Variants in ABCC5 observed in about 807,000 individuals in gnomAD.
ABCC5 encodes ATP-binding cassette sub-family C member 5.
In ABCC5, 61 loss-of-function variants were observed where a neutral mutation model predicts 160.9. The ratio of observed to expected loss-of-function variants is 0.38; its 90% CI spans 0.31 to 0.47. The LOEUF (loss-of-function observed/expected upper bound fraction) is 0.47, where lower values mean the gene tolerates loss of function less well. Among genes scored for constraint, ABCC5 ranks in the 20% least tolerant of loss-of-function variants. ABCC5 has a pLI of 0.99. For missense variants in ABCC5, 1,308 were observed against 1,813.3 expected (o/e 0.72, Z 5.06); for synonymous variants, 666 against 700.6 (o/e 0.95, Z 0.78).
intron 25 of ABCC5, among the ~76,000 whole-genome samples, chr3:183,939,170 T>C (rs1299170773): frequency 6.6e-6 from 1 of 152,222 alleles, no homozygotes; most frequent in Non-Finnish European, 1.5e-5. Context: ...CGGTGGCTCA[T>C]GCCTGTAATC....
At chr3:183,945,172 A>C (rs1289795482) in intron 24 of ABCC5, among the ~76,000 whole-genome samples, 1 of 152,186 alleles carries the variant, frequency 6.6e-6, no homozygotes, top group East Asian at 1.9e-4. Flanking sequence ...TTTCTTCATA[A>C]ATTACCCAAT....
At chr3:183,956,273 C>A (rs1307296480) in intron 17 of ABCC5, among the ~76,000 whole-genome samples, 1 of 149,222 alleles carries the variant, frequency 6.7e-6, no homozygotes, top group African/African-American at 2.5e-5. Flanking sequence ...CGGTTACATG[C>A]AGATCCGTGT....
At chr3:183,966,876 T>C (rs567415189) in intron 12 of ABCC5, among the ~76,000 whole-genome samples, 1 of 152,312 alleles carries the variant, frequency 6.6e-6, no homozygotes, top group African/African-American at 2.4e-5. Context: ...AAAGCACCCC[T>C]GCTCCCCCTC....
chr3:183,935,466 C>T (rs2139561), intron 26 of ABCC5, among the ~76,000 whole-genome samples: 38,848 of 151,450 alleles, frequency 0.26, 5,338 homozygotes, highest in Middle Eastern at 0.33. Context: ...AGGTGTGAGC[C>T]ACCGCACTCG....
At chr3:183,944,854 G>T (rs916068513) in intron 24 of ABCC5, among the ~76,000 whole-genome samples, 9 of 152,138 alleles carry the variant, frequency 5.9e-5, no homozygotes, top group African/African-American at 2.2e-4. Flanking sequence ...GATGTGGTTT[G>T]GCTCTGTGTT....
Position 183,950,131 on chromosome 3 carries a change from G to A in ABCC5, c.2945-6C>T. ...GAACGGCAGCCGCACGTCAACTGTG[G>A]AAACAAATAAAGGAGCAAGTGTCAG... is the stretch of plus-strand genomic sequence containing the variant. On this transcript the variant is annotated splice_polypyrimidine_tract_variant and splice_region_variant and intron_variant, in intron 20 of 29. Coordinates refer to ENST00000334444, the MANE Select transcript of ABCC5 (RefSeq NM_005688.4). 2 of 1,609,176 alleles carry A rather than the reference G, an allele frequency of 1.2e-6. No individual in the cohort carries two copies. Among genetic ancestry groups the A allele is most frequent in the Non-Finnish European group, 1.7e-6 (2 of 1,178,580 alleles).
At chr3:183,971,962 T>A (rs1012406647) in intron 10 of ABCC5, 43 bp from the exon 11 acceptor site, 6 of 1,610,464 alleles carry the variant, frequency 3.7e-6, no homozygotes, top group Non-Finnish European at 5.1e-6. Context: ...AGACACTGGA[T>A]CAAGACCAGG....
chr3:183,963,535 A>G lies in ABCC5; in HGVS notation c.2085T>C (p.Leu695=), dbSNP rs369535990. 201 of 1,614,192 alleles carry G rather than the reference A, an allele frequency of 1.2e-4. 1 individual carries two copies. In the African/African-American group the frequency reaches 2.4e-3, roughly 19 times the overall value. ...LSGGQRQRIS[L]ARALYSDRSI... ...TCCTGTCACTATACAAGGCCCGGGCAAGGCTGATCCTCTGGCGCTGCCCAC... is the reference window on the plus strand; with the variant it reads ...TCCTGTCACTATACAAGGCCCGGGCGAGGCTGATCCTCTGGCGCTGCCCAC... The change falls in exon 15 of 30, where the codon CTT becomes CTC. Residue 695 remains leucine (L), a synonymous_variant. Coordinates refer to ENST00000334444, the MANE Select transcript of ABCC5 (RefSeq NM_005688.4). The surrounding 1 kb of genome is among the most constrained non-coding windows in gnomAD (Gnocchi z 4.6).
intron 20 of ABCC5, 24 bp from the exon 21 acceptor site, chr3:183,950,149 A>C (rs561083235): frequency 1.3e-6 from 2 of 1,592,440 alleles, no homozygotes; most frequent in African/African-American, 2.7e-5. Flanking sequence ...TAAAGGAGCA[A>C]GTGTCAGATG....
At chr3:183,946,050 C>A in intron 23 of ABCC5, 111 bp from the exon 24 acceptor site, 5 of 938,664 alleles carry the variant, frequency 5.3e-6, no homozygotes, top group Non-Finnish European at 8.7e-6. Flanking sequence ...GCACATGCAG[C>A]AGCTGGTCTT....
rs1280073448 is a variant in ABCC5 at position 183,988,342 on chromosome 3, T to A, written c.443+230A>T. ...GCAGCAACATAATCTCCCTGCAGACTCAGGAAGAGAAGCGGGGCTGAGAGA... is the reference window on the plus strand; with the variant it reads ...GCAGCAACATAATCTCCCTGCAGACACAGGAAGAGAAGCGGGGCTGAGAGA... On this transcript the variant is annotated intron_variant, in intron 4 of 29. Transcript: ENST00000334444. This position sits in a 1 kb window ranked among gnomAD's most constrained non-coding sequence, Gnocchi z 4.4. Among the ~76,000 whole-genome samples the A allele has an allele frequency of 6.6e-6, 1 of 152,152 alleles. No individual in the cohort carries two copies. The highest frequency in any genetic ancestry group is 1.5e-5 in the Non-Finnish European group (1 of 68,022).
In ABCC5 at chr3:183,963,547, C is replaced by T. The variant is rs1560012808; in HGVS notation, c.2073G>A (p.Gln691=). Reference sequence around the variant, plus strand: ...ACAAGGCCCGGGCAAGGCTGATCCTCTGGCGCTGCCCACCGCTCAGGTTGG... The same window carrying T: ...ACAAGGCCCGGGCAAGGCTGATCCTTTGGCGCTGCCCACCGCTCAGGTTGG... The part of the protein sequence containing the change: ...RGANLSGGQR[Q]RISLARALYS... The change falls in exon 15 of 30, where the codon CAG becomes CAA. Residue 691 remains glutamine, a synonymous_variant. Coordinates refer to ENST00000334444, the MANE Select transcript of ABCC5 (RefSeq NM_005688.4). This position sits in a 1 kb window ranked among gnomAD's most constrained non-coding sequence, Gnocchi z 4.6. 1 of 1,614,196 alleles carries T rather than the reference C, an allele frequency of 6.2e-7. No individual in the cohort carries two copies. Among genetic ancestry groups the T allele is most frequent in the Non-Finnish European group, 8.5e-7 (1 of 1,180,050 alleles).
intron 11 of ABCC5, among the ~76,000 whole-genome samples, chr3:183,968,173 G>A (rs1244301935): frequency 6.6e-6 from 1 of 152,076 alleles, no homozygotes; most frequent in African/African-American, 2.4e-5. Context: ...CTGTCAACCA[G>A]GCTGGAGTAC....
At chr3:183,938,597 G>C (rs1005968231) in intron 25 of ABCC5, among the ~76,000 whole-genome samples, 1 of 151,956 alleles carries the variant, frequency 6.6e-6, no homozygotes, top group African/African-American at 2.4e-5. Flanking sequence ...GCGCCTGGCT[G>C]ACCATTCCAT....
At chr3:183,934,143 TA>T (rs1331893109) in intron 26 of ABCC5, among the ~76,000 whole-genome samples, 6 of 152,066 alleles carry the variant, frequency 3.9e-5, no homozygotes. Context: ...CCGTCTCTAC[TA>T]AAAATACAAA....
rs551666970 is a variant in ABCC5 at position 183,987,077 on chromosome 3, C to T, written c.591+693G>A. 5.8e-5 allele frequency: 9 copies of T among 155,768 alleles called. No individual in the cohort carries two copies. The highest frequency in any genetic ancestry group is 2.5e-4 in the Admixed American group (4 of 16,072). The allele number at this position is 155,768 out of a possible 1,614,324, so 9.6% of individuals were successfully genotyped here. On this transcript the variant is annotated intron_variant, in intron 5 of 29. Transcript: ENST00000334444. The surrounding 1 kb of genome is among the most constrained non-coding windows in gnomAD (Gnocchi z 4.2). ...CACAGTACAAGCAGTACTACTGCTCCGATGCCTCAAGGCAAATGTGTAGAG... is the reference window on the plus strand; with the variant it reads ...CACAGTACAAGCAGTACTACTGCTCTGATGCCTCAAGGCAAATGTGTAGAG...
Position 183,978,645 on chromosome 3 carries a change from C to A in ABCC5, c.1154G>T (p.Arg385Leu). Residue 385 changes from arginine to leucine, a missense_variant, in exon 9 of 30, where the codon CGC becomes CTC. This residue lies in a region of ABCC5 where 1,142 missense variants were observed against 1,527.1 expected (regional missense o/e 0.75). Coordinates refer to ENST00000334444, the MANE Select transcript of ABCC5 (RefSeq NM_005688.4). ...TTCCAATATCCGACGCTCCTCCTCG[C>A]GGATTTCTATGAATAAAAAGCAAGC... is the stretch of plus-strand genomic sequence containing the variant. Reference protein sequence around the residue: ...KAFSQSVQKIREEERRILEKA... With the variant: ...KAFSQSVQKILEEERRILEKA... 1 of 1,612,694 alleles carries A rather than the reference C, an allele frequency of 6.2e-7. No homozygotes were observed. The highest frequency in any genetic ancestry group is 1.1e-5 in the South Asian group (1 of 90,830).
chr3:183,936,662 C>A (rs1291936577), intron 26 of ABCC5, among the ~76,000 whole-genome samples: 1 of 152,138 alleles, frequency 6.6e-6, no homozygotes, highest in Non-Finnish European at 1.5e-5. Context: ...CGCCCACCAC[C>A]ACGCCCGGCT....
At chr3:183,936,240 A>C (rs1302530860) in intron 26 of ABCC5, among the ~76,000 whole-genome samples, 1 of 152,086 alleles carries the variant, frequency 6.6e-6, no homozygotes, top group Non-Finnish European at 1.5e-5. Context: ...AACCAGGAAG[A>C]CGGCCCTCAG....
Sources: gnomAD v4.1 joint callset for allele counts (sites outside exome capture counted in the v4.1 genomes callset) on GRCh38, gnomAD v4.1.1 for gene constraint, gnomAD v4.1.1 regional missense constraint, Gnocchi (gnomAD v3.1) non-coding constraint, MANE v1.5 for transcripts, NCBI Gene and HGNC (gene_info 2026-07-23, HGNC 2026-07-21) for gene names.